The following AFF3 variants were observed in gnomAD, a reference collection of about 807,000 sequenced individuals.
The protein encoded by AFF3 is AF4/FMR2 family member 3.
AFF3 carries 32 observed loss-of-function variants against 129.7 expected under a neutral mutation model. That is an observed-to-expected ratio of 0.25 (90% CI 0.19 to 0.33). The LOEUF (loss-of-function observed/expected upper bound fraction) is 0.33. Among genes scored for constraint, AFF3 ranks in the 10% least tolerant of loss-of-function variants. AFF3 has a pLI of 1.00. For missense variants in AFF3, 1,373 were observed against 1,592.0 expected (o/e 0.86, Z 2.34); for synonymous variants, 644 against 635.4 (o/e 1.01, Z -0.20).
At chr2:99,674,816 C>T (rs1166773233) in intron 11 of AFF3, among the ~76,000 whole-genome samples, 2 of 152,202 alleles carry the variant, frequency 1.3e-5, no homozygotes, top group East Asian at 3.9e-4. Context: ...TGCAAACTAG[C>T]CGTGCAACTC....
chr2:99,880,998 G>A (rs1336630993), intron 7 of AFF3, among the ~76,000 whole-genome samples: 3 of 152,182 alleles, frequency 2.0e-5, no homozygotes, highest in Non-Finnish European at 2.9e-5. Context: ...GAGGCTACCC[G>A]CTATTCCAAC....
At chr2:99,726,942 G>T (rs1679408364) in intron 11 of AFF3, 135 bp downstream of exon 11, 4 of 791,934 alleles carry the variant, frequency 5.1e-6, no homozygotes, top group Non-Finnish European at 7.6e-6. Context: ...CATTTAGAAA[G>T]ACATTATCAT....
chr2:100,020,407 T>G (rs933750865), intron 4 of AFF3, among the ~76,000 whole-genome samples: 2 of 152,052 alleles, frequency 1.3e-5, no homozygotes, highest in Admixed American at 1.3e-4. Flanking sequence ...TCAGGTGCCA[T>G]CTTTATGTTG....
At chr2:99,917,393 G>A (rs544838794) in intron 7 of AFF3, among the ~76,000 whole-genome samples, 6 of 152,160 alleles carry the variant, frequency 3.9e-5, no homozygotes, top group African/African-American at 1.2e-4. Flanking sequence ...GGGAGATCGG[G>A]GAGTGGATCC....
intron 4 of AFF3, chr2:100,011,432 C>T: frequency 1.3e-6 from 1 of 779,672 alleles, no homozygotes; most frequent in Non-Finnish European, 2.4e-6. Context: ...TAAGATGGAG[C>T]AGGCAGGTGG....
chr2:99,880,997 C>G (rs558279640), intron 7 of AFF3, among the ~76,000 whole-genome samples: 1 of 152,144 alleles, frequency 6.6e-6, no homozygotes, highest in African/African-American at 2.4e-5. Flanking sequence ...AGAGGCTACC[C>G]GCTATTCCAA....
chr2:99,741,434 CAGAG>C (rs1436466809), intron 10 of AFF3, among the ~76,000 whole-genome samples: 1 of 151,988 alleles, frequency 6.6e-6, no homozygotes, highest in Non-Finnish European at 1.5e-5. Context: ...AACAGACAAA[CAGAG>C]AGCCAAATCA....
chr2:100,106,590 G>GTTCTT, intron 2 of AFF3: 1 of 989,542 alleles, frequency 1.0e-6, no homozygotes, highest in Non-Finnish European at 1.2e-6. Context: ...AGCAGGAACA[G>GTTCTT]CCCCTGTCTG....
intron 12 of AFF3, among the ~76,000 whole-genome samples, chr2:99,650,718 AC>A (rs928903865): frequency 2.0e-5 from 3 of 152,082 alleles, no homozygotes; most frequent in African/African-American, 7.2e-5. Flanking sequence ...CCATTTCCCT[AC>A]ATGAAATGAA....
intron 2 of AFF3, among the ~76,000 whole-genome samples, chr2:100,128,586 G>C (rs1358428302): frequency 2.6e-5 from 4 of 152,100 alleles, no homozygotes; most frequent in African/African-American, 9.7e-5. Flanking sequence ...TTGTTATTTG[G>C]CCCCAAGGAG....
rs373497485 is a variant in AFF3 at position 99,786,682 on chromosome 2, TA to T, written c.922-34382del. On this transcript the variant is annotated intron_variant, in intron 8 of 24. Transcript: ENST00000672756. ...GCCGTAGTGCTATAAAGTTGCATAG[TA>T]AAAAAAAAATAAACTATAACTTCAA... 4.9e-3 allele frequency among the ~76,000 whole-genome samples: 739 copies of T among 149,636 alleles called. 2 individuals are homozygous for T. Among genetic ancestry groups the T allele is most frequent in the African/African-American group, 0.017 (702 of 40,792 alleles).
At chr2:99,695,243 A>G (rs1676079323) in intron 11 of AFF3, among the ~76,000 whole-genome samples, 1 of 152,184 alleles carries the variant, frequency 6.6e-6, no homozygotes, top group South Asian at 2.1e-4. Flanking sequence ...TGTGCCTGGT[A>G]GTTCCTGGAG....
At chr2:99,561,494 C>T (rs1675469015) in intron 20 of AFF3, among the ~76,000 whole-genome samples, 1 of 152,172 alleles carries the variant, frequency 6.6e-6, no homozygotes, top group Non-Finnish European at 1.5e-5. Context: ...CCTTTACCTT[C>T]CCCACTTAAA....
chr2:99,794,034 T>C (rs1381371063), intron 8 of AFF3, among the ~76,000 whole-genome samples: 1 of 152,252 alleles, frequency 6.6e-6, no homozygotes. Flanking sequence ...TTTAGAAATA[T>C]GTTGTTTCAT....
chr2:99,753,965 G>C (rs1287924872), intron 8 of AFF3, among the ~76,000 whole-genome samples: 2 of 152,170 alleles, frequency 1.3e-5, no homozygotes, highest in Non-Finnish European at 2.9e-5. Context: ...GTCCACAGTG[G>C]CATCTTTGTC....
chr2:99,564,504 G>A (rs1301198280), intron 20 of AFF3, among the ~76,000 whole-genome samples: 3 of 152,168 alleles, frequency 2.0e-5, no homozygotes, highest in African/African-American at 7.2e-5. Context: ...TAAGAAAAAT[G>A]GGCAGTGTTG....
intron 7 of AFF3, among the ~76,000 whole-genome samples, chr2:99,999,251 C>T (rs994873552): frequency 2.0e-5 from 3 of 152,202 alleles, no homozygotes; most frequent in Non-Finnish European, 2.9e-5. Flanking sequence ...GTTTCCATTT[C>T]GCTTTGTAAC....
intron 2 of AFF3, among the ~76,000 whole-genome samples, chr2:100,113,113 T>C (rs868197361): frequency 3.3e-5 from 5 of 152,182 alleles, no homozygotes; most frequent in Non-Finnish European, 4.4e-5. Context: ...GCTGAAGTCA[T>C]TGGGGATACA....
intron 11 of AFF3, among the ~76,000 whole-genome samples, chr2:99,691,768 G>C (rs1675689792): frequency 6.6e-6 from 1 of 152,118 alleles, no homozygotes; most frequent in Non-Finnish European, 1.5e-5. Context: ...TCAGTGACAG[G>C]GTGTGGGGTA....
Sources: allele counts gnomAD v4.1 joint callset (sites outside exome capture counted in the v4.1 genomes callset), GRCh38; gene constraint gnomAD v4.1.1; transcripts MANE v1.5; gene names NCBI Gene and HGNC (gene_info 2026-07-23, HGNC 2026-07-21).